The following ADAMTSL3 variants were observed in gnomAD, a reference collection of about 807,000 sequenced individuals.
ADAMTSL3 encodes ADAMTS like 3.
ADAMTSL3 carries 128 observed loss-of-function variants against 201.7 expected under a neutral mutation model. That is an observed-to-expected ratio of 0.63 (90% CI 0.55 to 0.73). The LOEUF is 0.73. Among genes scored for constraint, ADAMTSL3 ranks in the 30% least tolerant of loss-of-function variants. The probability of loss-of-function intolerance (pLI) is 0.00; values close to 1 mark genes in which losing one functional copy is unlikely to be tolerated. For missense variants in ADAMTSL3, 1,990 were observed against 2,119.6 expected (o/e 0.94, Z 1.20); for synonymous variants, 738 against 748.4 (o/e 0.99, Z 0.23).
intron 15 of ADAMTSL3, among the ~76,000 whole-genome samples, chr15:83,903,950 A>AGGAAGGAAGGAAGGAAGG (rs1567226158): frequency 2.5e-5 from 1 of 40,312 alleles, no homozygotes; most frequent in African/African-American, 1.8e-4. Context: ...AAAAAGAAAA[A>AGGAAGGAAGGAAGGAAGG]AGAAAGAAAG....
intron 6 of ADAMTSL3, among the ~76,000 whole-genome samples, chr15:83,826,629 T>G (rs1448612893): frequency 1.3e-5 from 2 of 151,444 alleles, no homozygotes; most frequent in African/African-American, 2.4e-5. Flanking sequence ...TCATTTACAT[T>G]AGGTATATCT....
chr15:83,846,466 G>A (rs986975138), intron 7 of ADAMTSL3, among the ~76,000 whole-genome samples: 16 of 152,190 alleles, frequency 1.1e-4, no homozygotes, highest in African/African-American at 3.6e-4. Context: ...GAGGTGCACC[G>A]AGGCTTAGAG....
chr15:83,838,297 T>A (rs960177496), intron 7 of ADAMTSL3, 82 bp downstream of exon 7: 72 of 1,505,972 alleles, frequency 4.8e-5, no homozygotes, highest in Non-Finnish European at 8.9e-6. Flanking sequence ...ATTTTCTGAA[T>A]GTTAAGCTTT....
At chr15:83,710,749 G>A (rs952452638) in intron 3 of ADAMTSL3, among the ~76,000 whole-genome samples, 2 of 152,240 alleles carry the variant, frequency 1.3e-5, no homozygotes, top group African/African-American at 4.8e-5. Flanking sequence ...CCATCCCAAA[G>A]GAGGCAGAGG....
intron 4 of ADAMTSL3, among the ~76,000 whole-genome samples, chr15:83,782,671 A>G (rs764675281): frequency 4.6e-5 from 7 of 152,152 alleles, no homozygotes; most frequent in African/African-American, 1.2e-4. Flanking sequence ...AAGCTAAACT[A>G]TGAGAACACA....
At chr15:83,958,809 C>T (rs1007844042) in intron 19 of ADAMTSL3, among the ~76,000 whole-genome samples, 4 of 151,796 alleles carry the variant, frequency 2.6e-5, no homozygotes, top group Non-Finnish European at 5.9e-5. Context: ...TGATAGCTGA[C>T]GGTTTAGAAA....
At chr15:83,831,172 C>G (rs1047863636) in intron 6 of ADAMTSL3, among the ~76,000 whole-genome samples, 2 of 152,162 alleles carry the variant, frequency 1.3e-5, no homozygotes, top group African/African-American at 4.8e-5. Flanking sequence ...GTTTTCCCCT[C>G]CTTTCATAAG....
chr15:84,021,316 A>G (rs747256046), intron 25 of ADAMTSL3, 94 bp from the exon 26 acceptor site: 437 of 1,436,238 alleles, frequency 3.0e-4, no homozygotes, highest in Non-Finnish European at 4.0e-4. Flanking sequence ...TAAAGAACCA[A>G]AAAACATCTC....
At chr15:83,767,678 G>A (rs1264387418) in intron 3 of ADAMTSL3, among the ~76,000 whole-genome samples, 1 of 152,138 alleles carries the variant, frequency 6.6e-6, no homozygotes, top group Admixed American at 6.5e-5. Context: ...AAGAATACAG[G>A]TTCCACCCTG....
intron 4 of ADAMTSL3, among the ~76,000 whole-genome samples, chr15:83,786,566 T>C (rs1302594502): frequency 6.6e-6 from 1 of 152,196 alleles, no homozygotes; most frequent in East Asian, 1.9e-4. Context: ...TTGAACTATG[T>C]TTTTGTACCC....
chr15:83,855,720 C>A (rs1178481352), intron 7 of ADAMTSL3, among the ~76,000 whole-genome samples: 1 of 152,220 alleles, frequency 6.6e-6, no homozygotes, highest in African/African-American at 2.4e-5. Context: ...CAGATTGTTG[C>A]AAGCCTTTGG....
At chr15:83,922,872 A>G (rs1032406593) in intron 16 of ADAMTSL3, among the ~76,000 whole-genome samples, 3 of 152,254 alleles carry the variant, frequency 2.0e-5, no homozygotes, top group Non-Finnish European at 4.4e-5. Flanking sequence ...TTCTTGCATG[A>G]AAATGAATGC....
intron 4 of ADAMTSL3, among the ~76,000 whole-genome samples, chr15:83,774,065 A>G (rs1354000851): frequency 6.6e-6 from 1 of 152,212 alleles, no homozygotes; most frequent in Non-Finnish European, 1.5e-5. Flanking sequence ...CATTTTAGAT[A>G]TGTTTATGTT....
At chr15:84,037,584 G>A in intron 29 of ADAMTSL3, 116 bp from the exon 30 acceptor site, 1 of 1,191,460 alleles carries the variant, frequency 8.4e-7, no homozygotes, top group Non-Finnish European at 1.2e-6. Flanking sequence ...CTAACCCAAA[G>A]CTGGTTTCTT....
At chr15:83,655,671 C>T (rs1595975751) in intron 1 of ADAMTSL3, 58 bp from the exon 2 acceptor site, 1 of 1,300,016 alleles carries the variant, frequency 7.7e-7, no homozygotes. Flanking sequence ...GCTTAAGTCA[C>T]GGTTTACTGC....
chr15:83,718,727 AT>A (rs1333743757), intron 3 of ADAMTSL3, among the ~76,000 whole-genome samples: 1 of 151,982 alleles, frequency 6.6e-6, no homozygotes, highest in African/African-American at 2.4e-5. Context: ...AAATTTGAGC[AT>A]CAATAAAAGC....
At chr15:83,915,716 A>G (rs1220640485) in intron 16 of ADAMTSL3, among the ~76,000 whole-genome samples, 5 of 152,154 alleles carry the variant, frequency 3.3e-5, no homozygotes, top group African/African-American at 1.2e-4. Context: ...ACTGTCTATT[A>G]TGGACGTTGC....
chr15:83,951,043 C>A (rs2066748089), intron 19 of ADAMTSL3, among the ~76,000 whole-genome samples: 1 of 148,554 alleles, frequency 6.7e-6, no homozygotes, highest in East Asian at 2.0e-4. Context: ...ACTAGGACTA[C>A]TAGGACTATG....
intron 3 of ADAMTSL3, among the ~76,000 whole-genome samples, chr15:83,733,200 T>C (rs1350210331): frequency 6.6e-6 from 1 of 152,148 alleles, no homozygotes; most frequent in Non-Finnish European, 1.5e-5. Context: ...TCAAGACAAG[T>C]TGAACACCTA....
Sources: gnomAD v4.1 joint callset for allele counts (sites outside exome capture counted in the v4.1 genomes callset) on GRCh38, gnomAD v4.1.1 for gene constraint, MANE v1.5 for transcripts, NCBI Gene and HGNC (gene_info 2026-07-23, HGNC 2026-07-21) for gene names.